The following TBCA variants were observed in gnomAD, a reference collection of about 807,000 sequenced individuals.
TBCA encodes tubulin folding cofactor A, also known as tubulin-specific chaperone A.
TBCA carries 6 observed loss-of-function variants against 15.8 expected under a neutral mutation model. The ratio of observed to expected loss-of-function variants is 0.38; its 90% CI spans 0.21 to 0.75. The LOEUF is 0.75. Among genes scored for constraint, TBCA ranks in the 30% least tolerant of loss-of-function variants. TBCA has a pLI of 0.46. For missense variants in TBCA, 90 were observed against 131.2 expected (o/e 0.69, Z 1.53); for synonymous variants, 32 against 42.3 (o/e 0.76, Z 0.94).
At chr5:77,713,780 C>T (rs1355222745) in intron 1 of TBCA, among the ~76,000 whole-genome samples, 1 of 151,922 alleles carries the variant, frequency 6.6e-6, no homozygotes, top group Non-Finnish European at 1.5e-5. Context: ...TTAAAGTTTA[C>T]ACCACAGCAA....
chr5:77,734,583 G>A (rs894518627), intron 1 of TBCA, among the ~76,000 whole-genome samples: 4 of 152,128 alleles, frequency 2.6e-5, no homozygotes, highest in African/African-American at 9.7e-5. Flanking sequence ...AAAATTTAAT[G>A]GCAAGAGTTA....
chr5:77,702,007 A>G (rs1746030541), intron 2 of TBCA, among the ~76,000 whole-genome samples: 1 of 151,918 alleles, frequency 6.6e-6, no homozygotes. Flanking sequence ...AAGGCGTAAG[A>G]ATGACACAAT....
At chr5:77,774,325 C>A (rs901268894) in intron 1 of TBCA, among the ~76,000 whole-genome samples, 2 of 152,178 alleles carry the variant, frequency 1.3e-5, no homozygotes, top group Non-Finnish European at 2.9e-5. Context: ...GTAGAGAACC[C>A]TCTTCCCTGT....
At chr5:77,691,532 CT>C in intron 3 of TBCA, 34 bp from the exon 4 acceptor site, 1 of 1,536,872 alleles carries the variant, frequency 6.5e-7, no homozygotes, top group Non-Finnish European at 8.7e-7. Flanking sequence ...TAAGTTTATC[CT>C]TTTCAAGTTT....
At chr5:77,716,856 C>G (rs1241249397) in intron 1 of TBCA, among the ~76,000 whole-genome samples, 1 of 152,176 alleles carries the variant, frequency 6.6e-6, no homozygotes, top group African/African-American at 2.4e-5. Flanking sequence ...AGAAGTCATG[C>G]CCTTCAAAGG....
intron 3 of TBCA, chr5:77,692,837 A>T: frequency 9.2e-7 from 1 of 1,081,870 alleles, no homozygotes; most frequent in Non-Finnish European, 1.1e-6. Context: ...CCCCTCTCAA[A>T]CTGATCTAGG....
At chr5:77,707,713 C>T (rs1285733253) in intron 2 of TBCA, among the ~76,000 whole-genome samples, 5 of 151,928 alleles carry the variant, frequency 3.3e-5, no homozygotes, top group African/African-American at 4.8e-5. Context: ...TTGTAGTCTT[C>T]ACATCAGTGT....
intron 1 of TBCA, among the ~76,000 whole-genome samples, chr5:77,727,129 T>C (rs1044217373): frequency 9.3e-5 from 14 of 150,510 alleles, no homozygotes; most frequent in African/African-American, 3.4e-4. Context: ...CCCAGATACT[T>C]GGGAGGCTGA....
chr5:77,767,144 CAT>C (rs1483454328), intron 1 of TBCA, among the ~76,000 whole-genome samples: 2 of 152,144 alleles, frequency 1.3e-5, no homozygotes, highest in South Asian at 2.1e-4. Flanking sequence ...TCAAAAATTT[CAT>C]AGAGTACAAA....
chr5:77,701,855 C>T (rs546644442), intron 2 of TBCA, among the ~76,000 whole-genome samples: 2 of 150,856 alleles, frequency 1.3e-5, no homozygotes, highest in African/African-American at 4.9e-5. Flanking sequence ...ACTACCTCAG[C>T]CATAAAAAGG....
chr5:77,764,845 C>A (rs560317561), intron 1 of TBCA, among the ~76,000 whole-genome samples: 3 of 152,254 alleles, frequency 2.0e-5, no homozygotes, highest in African/African-American at 7.2e-5. Context: ...AATATAAATT[C>A]TCCATCCCAA....
At chr5:77,730,278 A>G (rs1746735264) in intron 1 of TBCA, among the ~76,000 whole-genome samples, 1 of 152,198 alleles carries the variant, frequency 6.6e-6, no homozygotes, top group Non-Finnish European at 1.5e-5. Flanking sequence ...TAGGGAAGAC[A>G]CATAAGGTAG....
chr5:77,700,230 C>T (rs1745980274), intron 2 of TBCA, among the ~76,000 whole-genome samples: 1 of 151,776 alleles, frequency 6.6e-6, no homozygotes, highest in South Asian at 2.1e-4. Context: ...ACAAAAATCC[C>T]TGTTTCCCTG....
chr5:77,717,991 G>A (rs977235993), intron 1 of TBCA, among the ~76,000 whole-genome samples: 5 of 148,086 alleles, frequency 3.4e-5, no homozygotes, highest in Admixed American at 6.7e-5. Flanking sequence ...TTAGCCAGGC[G>A]AGGTGGCGCA....
intron 1 of TBCA, among the ~76,000 whole-genome samples, chr5:77,730,137 T>C (rs1368120241): frequency 6.6e-6 from 1 of 152,246 alleles, no homozygotes; most frequent in Non-Finnish European, 1.5e-5. Flanking sequence ...GATTGAATGT[T>C]ACCCAAAATT....
chr5:77,694,764 T>C lies in TBCA; in HGVS notation c.160-1412A>G, dbSNP rs116146847. ...TACCTTCTTCCTTTCCCAAATAGCT[T>C]TGTCAGAGCTCATATTGAAAACAAA... On this transcript the variant is annotated intron_variant, in intron 2 of 3. Coordinates refer to ENST00000380377, the MANE Select transcript of TBCA (RefSeq NM_004607.3). 9.1e-3 allele frequency among the ~76,000 whole-genome samples: 1,388 copies of C among 152,264 alleles called. 10 individuals carry two copies. Among genetic ancestry groups the C allele is most frequent in the African/African-American group, 0.031 (1,289 of 41,550 alleles).
chr5:77,695,896 T>G (rs368788154), intron 2 of TBCA, among the ~76,000 whole-genome samples: 8 of 152,264 alleles, frequency 5.3e-5, no homozygotes, highest in African/African-American at 1.9e-4. Context: ...AAGTTATGGT[T>G]TTATAGGGGG....
intron 1 of TBCA, among the ~76,000 whole-genome samples, chr5:77,731,130 GAATGTCCTATCA>G (rs1488355712): frequency 6.6e-6 from 1 of 152,070 alleles, no homozygotes; most frequent in Non-Finnish European, 1.5e-5. Flanking sequence ...GGCCTTCTAC[GAATGTCCTATCA>G]ATTGACATAT....
At chr5:77,698,672 G>A (rs2546161) in intron 2 of TBCA, among the ~76,000 whole-genome samples, 35,341 of 152,026 alleles carry the variant, frequency 0.23, 4,765 homozygotes, top group Non-Finnish European at 0.31. Context: ...ATTCCCAAAT[G>A]ATTTTATGAA....
Sources: allele counts gnomAD v4.1 joint callset (sites outside exome capture counted in the v4.1 genomes callset), GRCh38; gene constraint gnomAD v4.1.1; transcripts MANE v1.5; gene names NCBI Gene and HGNC (gene_info 2026-07-23, HGNC 2026-07-21).